The following OSBPL6 variants were observed in gnomAD, a reference collection of about 807,000 sequenced individuals.
OSBPL6 encodes the protein oxysterol-binding protein-related protein 6.
Under a neutral mutation model 125.8 loss-of-function variants are expected in OSBPL6, and 49 were observed. The ratio of observed to expected loss-of-function variants is 0.39; its 90% CI spans 0.31 to 0.49. The LOEUF is 0.49. OSBPL6 is among the 20% of genes least tolerant of loss of function. The pLI is 0.88. For missense variants in OSBPL6, 986 were observed against 1,135.4 expected (o/e 0.87, Z 1.89); for synonymous variants, 394 against 391.8 (o/e 1.01, Z -0.07).
chr2:178,200,740 A>G (rs149007366), intron 1 of OSBPL6, among the ~76,000 whole-genome samples: 63 of 152,292 alleles, frequency 4.1e-4, no homozygotes, highest in African/African-American at 1.5e-3. Flanking sequence ...TTTCTAAAAC[A>G]GATTTTCTTT....
At chr2:178,205,772 A>G (rs759847218) in intron 1 of OSBPL6, among the ~76,000 whole-genome samples, 13 of 152,226 alleles carry the variant, frequency 8.5e-5, no homozygotes, top group Non-Finnish European at 1.8e-4. Context: ...TCATTAATAA[A>G]TATGATAGAT....
intron 4 of OSBPL6, 37 bp downstream of exon 4, chr2:178,324,306 G>C: frequency 2.1e-6 from 3 of 1,408,958 alleles, no homozygotes; most frequent in Non-Finnish European, 2.9e-6. Flanking sequence ...CTGCTGGCAT[G>C]ATGCCTGCTC....
chr2:178,258,528 T>C (rs772225860), intron 1 of OSBPL6, among the ~76,000 whole-genome samples: 1 of 152,214 alleles, frequency 6.6e-6, no homozygotes, highest in Non-Finnish European at 1.5e-5. Context: ...TCTTATATCA[T>C]CTATACATCC....
At chr2:178,209,603 T>C (rs2089740245) in intron 1 of OSBPL6, among the ~76,000 whole-genome samples, 1 of 152,164 alleles carries the variant, frequency 6.6e-6, no homozygotes, top group Non-Finnish European at 1.5e-5. Flanking sequence ...TGTTTCATGT[T>C]TGAGTTTTTC....
At chr2:178,304,090 G>A (rs908526003) in intron 2 of OSBPL6, among the ~76,000 whole-genome samples, 1 of 152,114 alleles carries the variant, frequency 6.6e-6, no homozygotes, top group African/African-American at 2.4e-5. Context: ...GGGAAATCAA[G>A]GCACCAGCAG....
chr2:178,291,829 T>TCCATCCATCCATCCATCCATC (rs61197503), intron 2 of OSBPL6, among the ~76,000 whole-genome samples: 3 of 109,110 alleles, frequency 2.7e-5, no homozygotes, highest in Non-Finnish European at 4.0e-5. Flanking sequence ...ATCCATCCAT[T>TCCATCCATCCATCCATCCATC]CATCCTTGAT....
At chr2:178,256,733 C>A (rs1048477853) in intron 1 of OSBPL6, among the ~76,000 whole-genome samples, 1 of 152,182 alleles carries the variant, frequency 6.6e-6, no homozygotes, top group South Asian at 2.1e-4. Context: ...AAATACTTTA[C>A]CTAAGTGATT....
At chr2:178,281,659 C>T (rs1684185834) in intron 1 of OSBPL6, among the ~76,000 whole-genome samples, 1 of 152,084 alleles carries the variant, frequency 6.6e-6, no homozygotes. Context: ...GGGACATGGA[C>T]AGAGGTAGAA....
intron 1 of OSBPL6, among the ~76,000 whole-genome samples, chr2:178,267,375 A>C (rs1346723866): frequency 1.4e-5 from 2 of 139,288 alleles, no homozygotes; most frequent in Non-Finnish European, 3.1e-5. Context: ...AAAAAAAAAA[A>C]CAAAACAAGG....
At chr2:178,247,516 A>G (rs2091537442) in intron 1 of OSBPL6, among the ~76,000 whole-genome samples, 1 of 152,170 alleles carries the variant, frequency 6.6e-6, no homozygotes, top group Non-Finnish European at 1.5e-5. Context: ...GGCCCAGGAC[A>G]GTGCTGGTGG....
chr2:178,234,673 A>G (rs188578862), intron 1 of OSBPL6, among the ~76,000 whole-genome samples: 6 of 152,306 alleles, frequency 3.9e-5, no homozygotes, highest in African/African-American at 1.2e-4. Flanking sequence ...GATCTTTTGT[A>G]GAGCAAAGGT....
At position 178,278,189 on chromosome 2, in the gene OSBPL6, C is replaced by A. The variant is rs115562843; in HGVS notation, c.-350-6738C>A. On this transcript the variant is annotated intron_variant, in intron 1 of 24. Coordinates refer to ENST00000190611, the MANE Select transcript of OSBPL6 (RefSeq NM_032523.4). ...AAATGCCTCCTCTTTTGAGGAACTT[C>A]TTCTGATCTGATTCCCACCCAGCCC... 3.6e-3 allele frequency among the ~76,000 whole-genome samples: 549 copies of A among 152,300 alleles called. 3 individuals carry two copies. The highest frequency in any genetic ancestry group is 0.013 in the African/African-American group (535 of 41,564).
chr2:178,329,924 A>G lies in OSBPL6; in HGVS notation c.318+1546A>G, dbSNP rs141208385. ...TTGAGGAAACATTTTATGTGTTTTAAGGGAAAGACTTAAAAATGAACACAT... is the reference window on the plus strand; with the variant it reads ...TTGAGGAAACATTTTATGTGTTTTAGGGGAAAGACTTAAAAATGAACACAT... On this transcript the variant is annotated intron_variant, in intron 5 of 24. Transcript: ENST00000190611. Among the ~76,000 whole-genome samples the G allele has an allele frequency of 3.1e-3, 471 of 152,330 alleles. 3 individuals carry two copies. The highest frequency in any genetic ancestry group is 0.011 in the African/African-American group (446 of 41,580).
In OSBPL6 at chr2:178,332,730, C is replaced by T. The variant is rs755517680; in HGVS notation, c.462C>T (p.Thr154=). ...KKKARRIDLD[T]EEHIYHLKVK... ...AAGCTCGAAGAATAGACCTTGACAC[C>T]GAAGAGCACATCTATCATTTGAAGG... Residue 154 remains threonine (T), a synonymous_variant, in exon 7 of 25, where the codon ACC becomes ACT. Coordinates refer to ENST00000190611, the MANE Select transcript of OSBPL6 (RefSeq NM_032523.4). 12 of 1,614,038 alleles carry T rather than the reference C, an allele frequency of 7.4e-6. No homozygotes were observed. Among genetic ancestry groups the T allele is most frequent in the East Asian group, 6.7e-5 (3 of 44,866 alleles).
intron 1 of OSBPL6, among the ~76,000 whole-genome samples, chr2:178,277,101 GCTAA>G (rs2092485868): frequency 6.6e-6 from 1 of 152,140 alleles, no homozygotes; most frequent in Admixed American, 6.5e-5. Flanking sequence ...CAGAAAGTTT[GCTAA>G]CTCTTTCTTT....
intron 1 of OSBPL6, among the ~76,000 whole-genome samples, chr2:178,266,574 C>T (rs996317843): frequency 2.0e-5 from 3 of 152,140 alleles, no homozygotes; most frequent in Non-Finnish European, 4.4e-5. Context: ...GCAGATGGTA[C>T]TCAGTTGCTC....
intron 21 of OSBPL6, among the ~76,000 whole-genome samples, chr2:178,389,996 A>G (rs1280395409): frequency 6.6e-6 from 1 of 151,726 alleles, no homozygotes; most frequent in Non-Finnish European, 1.5e-5. Context: ...TTTCTTAGAG[A>G]CTCGTAAGGT....
At chr2:178,383,937 C>T (rs932104014) in intron 17 of OSBPL6, 102 bp from the exon 18 acceptor site, 2 of 1,306,870 alleles carry the variant, frequency 1.5e-6, no homozygotes, top group Non-Finnish European at 2.1e-6. Flanking sequence ...ATCAAATCAA[C>T]ACCCATCCAC....
At chr2:178,387,215 G>C in intron 20 of OSBPL6, 76 bp downstream of exon 20, 1 of 1,166,702 alleles carries the variant, frequency 8.6e-7, no homozygotes, top group Non-Finnish European at 1.2e-6. Context: ...AACTCTAGAA[G>C]ATGGTAAGGG....
Sources: gnomAD v4.1 joint callset for allele counts (sites outside exome capture counted in the v4.1 genomes callset) on GRCh38, gnomAD v4.1.1 for gene constraint, MANE v1.5 for transcripts, NCBI Gene and HGNC (gene_info 2026-07-23, HGNC 2026-07-21) for gene names.